The following KCNIP4 variants were observed in gnomAD, a reference collection of about 807,000 sequenced individuals.
The protein encoded by KCNIP4 is Kv channel-interacting protein 4.
Under a neutral mutation model 34.0 loss-of-function variants are expected in KCNIP4, and 12 were observed. That is an observed-to-expected ratio of 0.35 (90% confidence interval 0.23 to 0.57). The LOEUF is 0.57. Ranked by LOEUF, KCNIP4 falls within the 20% of genes least tolerant of loss-of-function variation. KCNIP4 has a pLI of 0.83. For synonymous variants in KCNIP4, 124 were observed against 102.2 expected (o/e 1.21, Z -1.29); for missense variants, 238 against 311.7 (o/e 0.76, Z 1.78).
intron 1 of KCNIP4, among the ~76,000 whole-genome samples, chr4:21,018,612 T>G (rs1739760879): frequency 6.6e-6 from 1 of 152,166 alleles, no homozygotes; most frequent in African/African-American, 2.4e-5. Flanking sequence ...CTATTGACAC[T>G]GCACGGTGGT....
intron 1 of KCNIP4, among the ~76,000 whole-genome samples, chr4:21,511,833 T>C (rs920101403): frequency 7.2e-5 from 11 of 152,180 alleles, no homozygotes; most frequent in Non-Finnish European, 1.2e-4. Flanking sequence ...TCTTTTTATA[T>C]ATACCTTTCT....
chr4:20,835,415 G>A (rs1303283807), intron 3 of KCNIP4, among the ~76,000 whole-genome samples: 1 of 152,018 alleles, frequency 6.6e-6, no homozygotes, highest in Non-Finnish European at 1.5e-5. Flanking sequence ...CCTCGGAGAG[G>A]TCACTTAACA....
intron 1 of KCNIP4, among the ~76,000 whole-genome samples, chr4:21,118,331 C>T (rs78152031): frequency 0.054 from 8,250 of 152,202 alleles, 314 homozygotes; most frequent in Middle Eastern, 0.14. Context: ...CAATAACAAC[C>T]AGCGTCCCTG....
chr4:21,860,365 C>T lies in KCNIP4; in HGVS notation c.61+88206G>A, dbSNP rs186630026. On this transcript the variant is annotated intron_variant, in intron 1 of 8. Transcript: ENST00000382152. ...GCCAGGCTGGTCTCGAACTCCTGAC[C>T]TCAAGTGATCCGCCTGCCTCAGCCT... Among the ~76,000 whole-genome samples the T allele has an allele frequency of 5.9e-3, 892 of 152,132 alleles. 12 individuals carry two copies. Among genetic ancestry groups the T allele is most frequent in the African/African-American group, 0.02 (841 of 41,526 alleles).
At chr4:21,492,561 GC>G (rs1732503173) in intron 1 of KCNIP4, among the ~76,000 whole-genome samples, 2 of 152,066 alleles carry the variant, frequency 1.3e-5, no homozygotes, top group South Asian at 4.2e-4. Context: ...TGGCTGTTTT[GC>G]CAAGATTTTG....
chr4:21,105,824 C>A (rs188255662), intron 1 of KCNIP4, among the ~76,000 whole-genome samples: 20,654 of 151,072 alleles, frequency 0.14, 1,636 homozygotes, highest in South Asian at 0.19. Flanking sequence ...GAATTTTGTC[C>A]AAGGCCTTTT....
At chr4:21,768,571 A>G (rs2109185596) in intron 1 of KCNIP4, among the ~76,000 whole-genome samples, 1 of 152,198 alleles carries the variant, frequency 6.6e-6, no homozygotes, top group East Asian at 1.9e-4. Context: ...TTGTACTGCC[A>G]CCTGCTGGTA....
chr4:21,536,355 C>A (rs1737160829), intron 1 of KCNIP4, among the ~76,000 whole-genome samples: 1 of 152,168 alleles, frequency 6.6e-6, no homozygotes, highest in Non-Finnish European at 1.5e-5. Context: ...ATTCTGCTTT[C>A]TTAGTATTTT....
chr4:20,872,176 A>C (rs1386256528), intron 2 of KCNIP4, among the ~76,000 whole-genome samples: 1 of 152,272 alleles, frequency 6.6e-6, no homozygotes, highest in Non-Finnish European at 1.5e-5. Context: ...TCAATGAAGA[A>C]TATGTCCACC....
chr4:21,722,361 G>T (rs1338602620), intron 1 of KCNIP4, among the ~76,000 whole-genome samples: 5 of 152,044 alleles, frequency 3.3e-5, no homozygotes, highest in Admixed American at 6.6e-5. Context: ...TTCAGGGTAG[G>T]CGTTACTAAA....
chr4:20,781,367 G>T (rs1030242710), intron 3 of KCNIP4, among the ~76,000 whole-genome samples: 1 of 152,146 alleles, frequency 6.6e-6, no homozygotes, highest in Non-Finnish European at 1.5e-5. Flanking sequence ...ATTTCAAGTT[G>T]CAAAGTAACA....
At chr4:20,874,626 C>T (rs571747748) in intron 2 of KCNIP4, among the ~76,000 whole-genome samples, 13 of 151,778 alleles carry the variant, frequency 8.6e-5, no homozygotes, top group Admixed American at 2.0e-4. Flanking sequence ...AAAAAAAACC[C>T]GCAATTTTCC....
intron 1 of KCNIP4, among the ~76,000 whole-genome samples, chr4:21,476,977 G>A (rs759323760): frequency 1.3e-5 from 2 of 152,136 alleles, no homozygotes; most frequent in Non-Finnish European, 2.9e-5. Flanking sequence ...AGATGCAACA[G>A]TGACCCAAAT....
chr4:21,019,438 G>A (rs1049358437), intron 1 of KCNIP4, among the ~76,000 whole-genome samples: 4 of 152,132 alleles, frequency 2.6e-5, no homozygotes, highest in African/African-American at 2.4e-5. Context: ...GATTACAGGC[G>A]TGAGCCACCG....
intron 8 of KCNIP4, 55 bp from the exon 9 acceptor site, chr4:20,730,184 C>CACTATTTTGCCCCTGAG: frequency 6.4e-7 from 1 of 1,551,764 alleles, no homozygotes; most frequent in Non-Finnish European, 8.7e-7. Flanking sequence ...AGGAAAAGTA[C>CACTATTTTGCCCCTGAG]ACTATTTTGC....
intron 1 of KCNIP4, among the ~76,000 whole-genome samples, chr4:21,450,569 G>A (rs1348686039): frequency 3.9e-5 from 6 of 152,254 alleles, no homozygotes; most frequent in Admixed American, 3.9e-4. Flanking sequence ...AAGGGTGGGG[G>A]CAAGAGAAGG....
chr4:20,738,514 C>T (rs1388919006), intron 5 of KCNIP4, among the ~76,000 whole-genome samples: 2 of 152,174 alleles, frequency 1.3e-5, no homozygotes, highest in Non-Finnish European at 2.9e-5. Flanking sequence ...CCAGGGATCA[C>T]ACTTTGAGAA....
intron 1 of KCNIP4, among the ~76,000 whole-genome samples, chr4:21,678,943 C>A (rs997837966): frequency 6.6e-6 from 1 of 152,124 alleles, no homozygotes; most frequent in African/African-American, 2.4e-5. Flanking sequence ...CTAATCCAAT[C>A]TGACCAATTT....
At chr4:21,290,670 G>A (rs768255991) in intron 1 of KCNIP4, among the ~76,000 whole-genome samples, 3 of 152,190 alleles carry the variant, frequency 2.0e-5, no homozygotes, top group African/African-American at 4.8e-5. Context: ...GCTCTTGCCC[G>A]AGCTGAGTGA....
Sources: gnomAD v4.1 joint callset for allele counts (sites outside exome capture counted in the v4.1 genomes callset) on GRCh38, gnomAD v4.1.1 for gene constraint, MANE v1.5 for transcripts, NCBI Gene and HGNC (gene_info 2026-07-23, HGNC 2026-07-21) for gene names.